Variants in SLC44A3 observed in about 807,000 individuals in gnomAD.
The protein encoded by SLC44A3 is choline transporter-like protein 3.
A neutral mutation model predicts 75.4 loss-of-function variants in SLC44A3; 74 were observed. That is an observed-to-expected ratio of 0.98 (90% CI 0.81 to 1.19). SLC44A3 has a LOEUF of 1.19. Ranked by LOEUF, SLC44A3 falls within the 50% of genes most tolerant of loss-of-function variation. The pLI, the probability that SLC44A3 is intolerant of heterozygous loss-of-function variation, is 0.00. For missense variants in SLC44A3, 700 were observed against 778.6 expected (o/e 0.90, Z 1.20); for synonymous variants, 310 against 296.9 (o/e 1.04, Z -0.45).
chr1:94,867,308 C>A, intron 11 of SLC44A3, 23 bp from the exon 12 acceptor site: 1 of 1,531,698 alleles, frequency 6.5e-7, no homozygotes, highest in Admixed American at 2.0e-5. Context: ...TGACTCTGTT[C>A]CTTTGTTCTC....
chr1:94,847,825 A>G lies in SLC44A3; in HGVS notation c.1072+2361A>G, dbSNP rs1038224275. ...GGAAGTCATGTGCCGGAGGTCATAC[A>G]GCTGGGAGGCATGACGTGCTGTGAC... On this transcript the variant is annotated intron_variant, in intron 9 of 14. Transcript: ENST00000271227. Among the ~76,000 whole-genome samples, 9 of 152,122 alleles carry G rather than the reference A, an allele frequency of 5.9e-5. 1 individual carries two copies. Among genetic ancestry groups the G allele is most frequent in the Admixed American group, 3.9e-4 (6 of 15,298 alleles).
rs1412455574 is a variant in SLC44A3, at chr1:94,829,015, C to T, written c.509+429C>T. ...CAGCATTTTGGGAGACTGAGCCAGG[C>T]GGATCACGAGGTCAGGAGATGGAGA... On this transcript the variant is annotated intron_variant, in intron 5 of 14. Transcript: ENST00000271227. 3.9e-5 allele frequency among the ~76,000 whole-genome samples: 6 copies of T among 152,122 alleles called. No individual in the cohort carries two copies. The South Asian group carries it at 8.3e-4, about 21-fold the overall frequency.
rs372656775 is a variant in SLC44A3 at position 94,856,974 on chromosome 1, G to A, written c.1073-361G>A. ...TTGAACTCCTGACCTCAGGTGATCCGCCCACCTCAGCCTCCAAAAGTGCTG... is the reference window on the plus strand; with the variant it reads ...TTGAACTCCTGACCTCAGGTGATCCACCCACCTCAGCCTCCAAAAGTGCTG... On this transcript the variant is annotated intron_variant, in intron 9 of 14. Transcript: ENST00000271227. Among the ~76,000 whole-genome samples, 8 of 152,032 alleles carry A rather than the reference G, an allele frequency of 5.3e-5. No homozygotes were observed. The East Asian group carries it at 7.7e-4, about 15-fold the overall frequency.
chr1:94,839,728 G>C (rs551670551), intron 6 of SLC44A3, among the ~76,000 whole-genome samples: 1 of 152,278 alleles, frequency 6.6e-6, no homozygotes, highest in African/African-American at 2.4e-5. Flanking sequence ...AGGACTTTCA[G>C]AGACAGGCTT....
chr1:94,879,248 G>A (rs1385904099), intron 12 of SLC44A3, among the ~76,000 whole-genome samples: 7 of 151,020 alleles, frequency 4.6e-5, no homozygotes, highest in Non-Finnish European at 1.0e-4. Context: ...AATGGGCAAA[G>A]GACGGCCGGG....
intron 9 of SLC44A3, among the ~76,000 whole-genome samples, chr1:94,848,836 G>A (rs1225078328): frequency 1.3e-5 from 2 of 152,124 alleles, no homozygotes; most frequent in Non-Finnish European, 2.9e-5. Flanking sequence ...GAACAAGGCC[G>A]TAACCCATGC....
chr1:94,849,488 G>T (rs549455312), intron 9 of SLC44A3, among the ~76,000 whole-genome samples: 10 of 152,258 alleles, frequency 6.6e-5, no homozygotes, highest in African/African-American at 2.4e-4. Context: ...AGAGAGCCTG[G>T]CTCTGCGGCT....
intron 3 of SLC44A3, among the ~76,000 whole-genome samples, chr1:94,826,094 A>T (rs139622978): frequency 6.6e-6 from 1 of 152,382 alleles, no homozygotes; most frequent in East Asian, 1.9e-4. Flanking sequence ...AACAGGGATG[A>T]ACCCTGAGGA....
intron 12 of SLC44A3, among the ~76,000 whole-genome samples, chr1:94,874,723 C>T (rs1201132898): frequency 1.3e-5 from 2 of 152,152 alleles, no homozygotes; most frequent in Non-Finnish European, 2.9e-5. Flanking sequence ...TTATGTGTAT[C>T]AACTACCTAT....
intron 3 of SLC44A3, chr1:94,825,879 C>T (rs1367027362): frequency 4.4e-6 from 2 of 456,134 alleles, no homozygotes; most frequent in Non-Finnish European, 8.8e-6. Context: ...CTTAGATGCC[C>T]ATGTGCTCCC....
At chr1:94,867,199 A>C in intron 11 of SLC44A3, 132 bp from the exon 12 acceptor site, 1 of 625,350 alleles carries the variant, frequency 1.6e-6, no homozygotes, top group Non-Finnish European at 2.7e-6. Flanking sequence ...TATGCACACA[A>C]TAGAACTTCT....
At chr1:94,828,454 C>A (rs1158407877) in intron 4 of SLC44A3, 39 bp from the exon 5 acceptor site, 1 of 1,561,622 alleles carries the variant, frequency 6.4e-7, no homozygotes, top group Admixed American at 1.7e-5. Flanking sequence ...ACTGACTCAC[C>A]TGGAAAGAAG....
At chr1:94,824,104 AC>A (rs1481118701) in intron 2 of SLC44A3, among the ~76,000 whole-genome samples, 1 of 152,180 alleles carries the variant, frequency 6.6e-6, no homozygotes, top group East Asian at 1.9e-4. Flanking sequence ...AAAAAAAAAA[AC>A]CTTGGGGAAA....
chr1:94,875,982 G>T (rs1015973769), intron 12 of SLC44A3, among the ~76,000 whole-genome samples: 2 of 152,202 alleles, frequency 1.3e-5, no homozygotes, highest in African/African-American at 4.8e-5. Flanking sequence ...AAGGAAGCAG[G>T]TGACATGTGA....
At chr1:94,860,861 A>G (rs765490261) in intron 10 of SLC44A3, among the ~76,000 whole-genome samples, 1 of 152,236 alleles carries the variant, frequency 6.6e-6, no homozygotes, top group Non-Finnish European at 1.5e-5. Context: ...TGAGCAGAGC[A>G]GAGCAAGGAA....
intron 2 of SLC44A3, 147 bp downstream of exon 2, chr1:94,821,203 A>G: frequency 1.5e-6 from 1 of 673,196 alleles, no homozygotes; most frequent in Non-Finnish European, 2.5e-6. Flanking sequence ...ACTCGGGAGA[A>G]TTCTTGTCCT....
At chr1:94,820,550 C>T in intron 1 of SLC44A3, 72 bp downstream of exon 1, 4 of 1,450,670 alleles carry the variant, frequency 2.8e-6, no homozygotes, top group Non-Finnish European at 3.6e-6. Flanking sequence ...CTTCACGCAC[C>T]TTCCCTGCCG....
At position 94,857,284 on chromosome 1, in the gene SLC44A3, T is replaced by G. The variant is rs368220578; in HGVS notation, c.1073-51T>G. On this transcript the variant is annotated intron_variant, in intron 9 of 14. Transcript: ENST00000271227. ...GAAACATGGCTTGTTGAACCATGGT[T>G]CATGCTTAGGAAAACATTGGTGTAA... 2.0e-6 allele frequency: 3 copies of G among 1,502,836 alleles called. No homozygotes were observed. In the African/African-American group the frequency reaches 4.2e-5, roughly 21 times the overall value. The allele number at this position is 1,502,836 out of a possible 1,614,324, so 93.1% of individuals were successfully genotyped here.
At position 94,849,573 on chromosome 1, in the gene SLC44A3, C is replaced by T. The variant is rs1664927166; in HGVS notation, c.1072+4109C>T. Reference sequence around the variant, plus strand: ...CTAACACTTGAGAGGGACTCTGAGCCGCTTTCACCTCTTATGAAGAGGCGC... The same window carrying T: ...CTAACACTTGAGAGGGACTCTGAGCTGCTTTCACCTCTTATGAAGAGGCGC... On this transcript the variant is annotated intron_variant, in intron 9 of 14. Coordinates refer to ENST00000271227, the MANE Select transcript of SLC44A3 (RefSeq NM_001114106.3). 3.3e-5 allele frequency among the ~76,000 whole-genome samples: 5 copies of T among 152,248 alleles called. No individual in the cohort carries two copies. The South Asian group carries it at 1.0e-3, about 32-fold the overall frequency.
Sources: allele counts gnomAD v4.1 joint callset (sites outside exome capture counted in the v4.1 genomes callset), GRCh38; gene constraint gnomAD v4.1.1; transcripts MANE v1.5; gene names NCBI Gene and HGNC (gene_info 2026-07-23, HGNC 2026-07-21).